The following CSMD1 variants were observed in gnomAD, a reference collection of about 807,000 sequenced individuals.
CSMD1 encodes CUB and sushi domain-containing protein 1.
In CSMD1, 213 loss-of-function variants were observed where a neutral mutation model predicts 417.5. The observed-to-expected ratio is 0.51, with a 90% CI of 0.46 to 0.57. The LOEUF is 0.57. Ranked by LOEUF, CSMD1 falls within the 20% of genes least tolerant of loss-of-function variation. The pLI, the probability that CSMD1 is intolerant of heterozygous loss-of-function variation, is 0.00. For missense variants in CSMD1, 6,923 were observed against 4,529.7 expected (o/e 1.53, Z -15.17); for synonymous variants, 2,862 against 1,736.8 (o/e 1.65, Z -16.11).
At chr8:4,183,881 G>C (rs1045980054) in intron 3 of CSMD1, among the ~76,000 whole-genome samples, 1 of 152,034 alleles carries the variant, frequency 6.6e-6, no homozygotes, top group Admixed American at 6.6e-5. Context: ...TTTTAGTTGG[G>C]GCATGTGGAC....
chr8:4,323,632 A>C (rs1008515484), intron 3 of CSMD1, among the ~76,000 whole-genome samples: 8 of 152,170 alleles, frequency 5.3e-5, no homozygotes, highest in Non-Finnish European at 1.2e-4. Context: ...CAGAAGACAT[A>C]AGGAGAAAAA....
intron 1 of CSMD1, among the ~76,000 whole-genome samples, chr8:4,815,634 T>A (rs1799160210): frequency 7.0e-6 from 1 of 142,816 alleles, no homozygotes; most frequent in Non-Finnish European, 1.5e-5. Flanking sequence ...AGATGAAGGT[T>A]GCAGTGAACT....
chr8:3,158,827 T>C (rs372899973), intron 38 of CSMD1, among the ~76,000 whole-genome samples: 9 of 152,252 alleles, frequency 5.9e-5, no homozygotes, highest in South Asian at 2.1e-4. Flanking sequence ...CCACCCACAA[T>C]TGGCATAGAG....
Position 4,296,367 on chromosome 8 carries a change from C to G in CSMD1, c.415+123586G>C, listed in dbSNP as rs80182457. On this transcript the variant is annotated intron_variant, in intron 3 of 69. Transcript: ENST00000635120. ...CTATAAACTCATGTATATTTCAGGA[C>G]CACATCCATTATTTCTAAACATAAT... is the stretch of plus-strand genomic sequence containing the variant. Among the ~76,000 whole-genome samples, 48 of 152,114 alleles carry G rather than the reference C, an allele frequency of 3.2e-4. No homozygotes were observed. The East Asian group carries it at 7.0e-3, about 22-fold the overall frequency.
chr8:4,467,247 C>G (rs569937941), intron 2 of CSMD1, among the ~76,000 whole-genome samples: 14 of 152,128 alleles, frequency 9.2e-5, no homozygotes, highest in Admixed American at 6.5e-5. Flanking sequence ...CACATTCCAG[C>G]TAAGAATCTA....
At chr8:4,062,569 C>T (rs916039344) in intron 3 of CSMD1, among the ~76,000 whole-genome samples, 1 of 152,012 alleles carries the variant, frequency 6.6e-6, no homozygotes, top group Admixed American at 6.6e-5. Context: ...GAAACATATC[C>T]TATAAAAGTT....
chr8:4,419,934 A>C lies in CSMD1; in HGVS notation c.415+19T>G. ...ATTTGGACAGTGAATGCATGTGCAA[A>C]ACACAACCAATCTCCTACCTTCATA... On this transcript the variant is annotated intron_variant, in intron 3 of 69. Transcript: ENST00000635120. The C allele has an allele frequency of 6.7e-7, 1 of 1,501,584 alleles. No homozygotes were observed. The allele number at this position is 1,501,584 out of a possible 1,614,324, so 93.0% of individuals were successfully genotyped here. A position where few individuals can be genotyped will look rare whatever the true frequency, so the allele number is the denominator to read the frequency against.
chr8:3,001,518 A>G (rs1253908707), intron 52 of CSMD1, among the ~76,000 whole-genome samples: 1 of 152,206 alleles, frequency 6.6e-6, no homozygotes, highest in Non-Finnish European at 1.5e-5. Context: ...AACATTCACC[A>G]TGAGTTCCTA....
At chr8:4,964,748 T>A (rs975560686) in intron 1 of CSMD1, among the ~76,000 whole-genome samples, 1 of 152,288 alleles carries the variant, frequency 6.6e-6, no homozygotes, top group African/African-American at 2.4e-5. Context: ...AACTTCTTTG[T>A]CATTGAACCT....
At chr8:4,257,206 G>A (rs1554510027) in intron 3 of CSMD1, among the ~76,000 whole-genome samples, 3 of 152,180 alleles carry the variant, frequency 2.0e-5, no homozygotes, top group South Asian at 2.1e-4. Flanking sequence ...TTAAGCATGA[G>A]AGTTTTATTG....
At chr8:3,336,896 G>A (rs184433207) in intron 23 of CSMD1, among the ~76,000 whole-genome samples, 363 of 152,148 alleles carry the variant, frequency 2.4e-3, no homozygotes, top group African/African-American at 8.4e-3. Flanking sequence ...AGTCCAACAA[G>A]CCTTCTCCAA....
chr8:4,333,712 G>C (rs1485752347), intron 3 of CSMD1, among the ~76,000 whole-genome samples: 2 of 152,090 alleles, frequency 1.3e-5, no homozygotes, highest in Non-Finnish European at 1.5e-5. Flanking sequence ...GTTGTAGAAA[G>C]GACTGCTTAC....
chr8:3,410,449 G>T (rs1382047138), intron 12 of CSMD1, among the ~76,000 whole-genome samples: 2 of 152,094 alleles, frequency 1.3e-5, no homozygotes, highest in African/African-American at 4.8e-5. Flanking sequence ...TGATCATGGG[G>T]GCAGGTCTTT....
At chr8:3,926,075 A>AC (rs1809664003) in intron 5 of CSMD1, among the ~76,000 whole-genome samples, 5 of 24,208 alleles carry the variant, frequency 2.1e-4, no homozygotes, top group Admixed American at 5.5e-4. Context: ...CACACACACA[A>AC]ACACCATACA....
chr8:4,828,760 T>G (rs1224337911), intron 1 of CSMD1, among the ~76,000 whole-genome samples: 1 of 152,162 alleles, frequency 6.6e-6, no homozygotes, highest in Non-Finnish European at 1.5e-5. Context: ...TTACCTAGGC[T>G]CCTCATGCCT....
chr8:3,769,143 A>G (rs1306074705), intron 5 of CSMD1, among the ~76,000 whole-genome samples: 1 of 152,210 alleles, frequency 6.6e-6, no homozygotes, highest in East Asian at 1.9e-4. Context: ...AAATTGATTA[A>G]AAGATGAAAA....
chr8:4,208,603 G>A (rs1800118583), intron 3 of CSMD1, among the ~76,000 whole-genome samples: 1 of 151,964 alleles, frequency 6.6e-6, no homozygotes. Flanking sequence ...TTAATGTTAA[G>A]AAAATGAATA....
chr8:4,084,001 AAAAC>A (rs763467143), intron 3 of CSMD1, among the ~76,000 whole-genome samples: 3 of 152,184 alleles, frequency 2.0e-5, no homozygotes, highest in South Asian at 2.1e-4. Context: ...TTACAAGAAA[AAAAC>A]AAACAACCCC....
intron 7 of CSMD1, among the ~76,000 whole-genome samples, chr8:3,648,788 T>C (rs1797702467): frequency 6.6e-6 from 1 of 151,916 alleles, no homozygotes; most frequent in South Asian, 2.1e-4. Flanking sequence ...ATTTAAAACC[T>C]ATCTTTACGC....
Sources: allele counts gnomAD v4.1 joint callset (sites outside exome capture counted in the v4.1 genomes callset), GRCh38; gene constraint gnomAD v4.1.1; transcripts MANE v1.5; gene names NCBI Gene and HGNC (gene_info 2026-07-23, HGNC 2026-07-21).